The following NCKAP5 variants were observed in gnomAD, a reference collection of about 807,000 sequenced individuals.
The protein encoded by NCKAP5 is nck-associated protein 5.
In NCKAP5, 92 loss-of-function variants were observed where a neutral mutation model predicts 167.0. The ratio of observed to expected loss-of-function variants is 0.55; its 90% CI spans 0.47 to 0.66. NCKAP5 has a LOEUF of 0.66. Ranked by LOEUF, NCKAP5 falls within the 30% of genes least tolerant of loss-of-function variation. NCKAP5 has a pLI of 0.00. For synonymous variants in NCKAP5, 891 were observed against 877.4 expected (o/e 1.02, Z -0.27); for missense variants, 2,378 against 2,315.0 (o/e 1.03, Z -0.56).
At chr2:132,709,601 C>T (rs1165301952) in intron 19 of NCKAP5, among the ~76,000 whole-genome samples, 1 of 151,982 alleles carries the variant, frequency 6.6e-6, no homozygotes, top group Non-Finnish European at 1.5e-5. Context: ...GATATATTCC[C>T]ATATAATTTA....
chr2:133,298,402 T>C (rs16823394), intron 4 of NCKAP5, among the ~76,000 whole-genome samples: 5,938 of 152,248 alleles, frequency 0.039, 381 homozygotes, highest in African/African-American at 0.13. Context: ...TCAGCAGTAA[T>C]AATTCCATTT....
At chr2:133,061,081 C>G (rs145268791) in intron 6 of NCKAP5, among the ~76,000 whole-genome samples, 1 of 55,334 alleles carries the variant, frequency 1.8e-5, no homozygotes, top group East Asian at 0.02. Context: ...AAAAACAAAA[C>G]AACAACAACA....
At chr2:132,705,681 AT>A (rs1309010957) in intron 19 of NCKAP5, among the ~76,000 whole-genome samples, 6 of 152,202 alleles carry the variant, frequency 3.9e-5, no homozygotes, top group Admixed American at 6.5e-5. Flanking sequence ...TGAAAAAAAA[AT>A]AATGAAAAAC....
chr2:133,635,265 A>G, the NCKAP5 span, among the ~76,000 whole-genome samples: 3 of 152,242 alleles, frequency 2.0e-5, no homozygotes, highest in South Asian at 6.2e-4. Context: ...AGCTGATGTA[A>G]TCATGCAGTC....
At chr2:132,785,780 G>T (rs1038608563) in intron 13 of NCKAP5, 62 bp from the exon 14 acceptor site, 9 of 1,319,052 alleles carry the variant, frequency 6.8e-6, no homozygotes, top group African/African-American at 1.5e-5. Flanking sequence ...GATATAAAAG[G>T]AAAAGTACAT....
At chr2:132,912,369 G>T (rs970658874) in intron 8 of NCKAP5, among the ~76,000 whole-genome samples, 4 of 152,144 alleles carry the variant, frequency 2.6e-5, no homozygotes, top group Admixed American at 2.6e-4. Flanking sequence ...TAAAACTTTG[G>T]ACAGTCAATC....
At position 133,524,144 on chromosome 2, in the gene NCKAP5, T is replaced by C. The variant is rs559351351; in HGVS notation, c.-61-6557A>G. Among the ~76,000 whole-genome samples, 3 of 152,260 alleles carry C rather than the reference T, an allele frequency of 2.0e-5. No homozygotes were observed. The South Asian group carries it at 6.2e-4, about 32-fold the overall frequency. ...GGGGTGGGAACCAAACATTATTATTTTAAGATTCTTCAATATTTCCAAGGT... is the reference window on the plus strand; with the variant it reads ...GGGGTGGGAACCAAACATTATTATTCTAAGATTCTTCAATATTTCCAAGGT... On this transcript the variant is annotated intron_variant, in intron 2 of 19. Transcript: ENST00000409261.
chr2:133,611,590 C>T, the NCKAP5 span, among the ~76,000 whole-genome samples: 13 of 152,128 alleles, frequency 8.5e-5, no homozygotes, highest in Non-Finnish European at 1.6e-4. Flanking sequence ...TTCATTAAGA[C>T]AGTAAGGCTT....
chr2:132,774,202 C>T (rs1395796314), intron 15 of NCKAP5, among the ~76,000 whole-genome samples: 1 of 152,116 alleles, frequency 6.6e-6, no homozygotes, highest in Non-Finnish European at 1.5e-5. Context: ...TTAGAGATAA[C>T]AGCTTAGCTT....
chr2:133,628,299 A>G, the NCKAP5 span, among the ~76,000 whole-genome samples: 5 of 152,214 alleles, frequency 3.3e-5, no homozygotes, highest in African/African-American at 7.2e-5. Context: ...GCAAAGTGTC[A>G]GGATACAAAA....
At chr2:132,907,087 G>T (rs1234194979) in intron 8 of NCKAP5, among the ~76,000 whole-genome samples, 1 of 152,030 alleles carries the variant, frequency 6.6e-6, no homozygotes, top group African/African-American at 2.4e-5. Context: ...AGAAACATAG[G>T]GAATTTAGCC....
intron 3 of NCKAP5, chr2:133,433,479 TTAGA>T (rs1349371815): frequency 6.6e-6 from 1 of 152,350 alleles, no homozygotes; most frequent in African/African-American, 2.4e-5. Context: ...CAGGAGCCTC[TTAGA>T]TAGATTACTT....
At chr2:132,786,454 C>T (rs936518196) in intron 13 of NCKAP5, among the ~76,000 whole-genome samples, 1 of 152,186 alleles carries the variant, frequency 6.6e-6, no homozygotes, top group Non-Finnish European at 1.5e-5. Context: ...CACATACACA[C>T]ATACACAGCA....
intron 6 of NCKAP5, among the ~76,000 whole-genome samples, chr2:133,046,594 G>T (rs1259253254): frequency 6.6e-6 from 1 of 151,932 alleles, no homozygotes; most frequent in Non-Finnish European, 1.5e-5. Flanking sequence ...GCCCAGGTTG[G>T]TCTCAAAATC....
rs111454241 is a variant in NCKAP5, at chr2:133,429,291, TAC to T, written c.69+88165_69+88166del. ...GCTTTGCTTTGTTTTAATTTGGAGC[TAC>T]TTTTTTTTAATTTCCATTTTTATTT... On this transcript the variant is annotated intron_variant, in intron 3 of 19. Coordinates refer to ENST00000409261, the MANE Select transcript of NCKAP5 (RefSeq NM_207363.3). Among the ~76,000 whole-genome samples, 783 of 127,784 alleles carry T rather than the reference TAC, an allele frequency of 6.1e-3. 5 individuals carry two copies. The highest frequency in any genetic ancestry group is 0.027 in the African/African-American group (735 of 27,482). 83.8% of individuals were successfully genotyped at this position (127,784 alleles called of 152,430 possible).
the NCKAP5 span, among the ~76,000 whole-genome samples, chr2:133,641,669 T>C: frequency 0.095 from 14,505 of 152,252 alleles, 793 homozygotes; most frequent in African/African-American, 0.12. Flanking sequence ...CCCAGAGAGA[T>C]TGTTCTGGGA....
At chr2:133,478,592 A>G (rs1457871693) in intron 3 of NCKAP5, among the ~76,000 whole-genome samples, 1 of 152,184 alleles carries the variant, frequency 6.6e-6, no homozygotes, top group African/African-American at 2.4e-5. Flanking sequence ...GTAAACAGCC[A>G]AGGCTCATGC....
intron 6 of NCKAP5, among the ~76,000 whole-genome samples, chr2:133,070,993 T>G (rs2080374843): frequency 6.6e-6 from 1 of 152,216 alleles, no homozygotes; most frequent in African/African-American, 2.4e-5. Flanking sequence ...TCATCCTAGC[T>G]CATTATAATT....
At chr2:132,740,113 T>C (rs1267100357) in intron 16 of NCKAP5, among the ~76,000 whole-genome samples, 4 of 152,148 alleles carry the variant, frequency 2.6e-5, no homozygotes, top group Non-Finnish European at 5.9e-5. Flanking sequence ...CCCTCATTCA[T>C]AAATCCCACA....
Sources: allele counts gnomAD v4.1 joint callset (sites outside exome capture counted in the v4.1 genomes callset), GRCh38; gene constraint gnomAD v4.1.1; transcripts MANE v1.5; gene names NCBI Gene and HGNC (gene_info 2026-07-23, HGNC 2026-07-21).